UNC13A: variants seen among roughly 807,000 people sequenced by gnomAD.
The protein encoded by UNC13A is protein unc-13 homolog A.
UNC13A carries 61 observed loss-of-function variants against 219.7 expected under a neutral mutation model. The observed-to-expected ratio is 0.28, with a 90% CI of 0.23 to 0.34. UNC13A has a LOEUF of 0.34. Ranked by LOEUF, UNC13A falls within the 10% of genes least tolerant of loss-of-function variation. The probability of loss-of-function intolerance (pLI) is 1.00; values close to 1 mark genes in which losing one functional copy is unlikely to be tolerated. For missense variants in UNC13A, 1,476 were observed against 2,270.3 expected (o/e 0.65, Z 7.11); for synonymous variants, 920 against 884.6 (o/e 1.04, Z -0.71).
chr19:17,661,162 C>G (rs1162702003), intron 8 of UNC13A, among the ~76,000 whole-genome samples: 1 of 147,226 alleles, frequency 6.8e-6, no homozygotes, highest in Non-Finnish European at 1.5e-5. Flanking sequence ...TGATTTCAGA[C>G]TTTGGAGCTC....
intron 8 of UNC13A, among the ~76,000 whole-genome samples, chr19:17,662,776 C>T (rs368643913): frequency 9.2e-5 from 14 of 151,992 alleles, no homozygotes; most frequent in East Asian, 5.8e-4. Context: ...AAAAATTAGC[C>T]GGGCGTGTTG....
At position 17,630,764 on chromosome 19, in the gene UNC13A, C is replaced by T; in HGVS notation, c.3429-14G>A. On this transcript the variant is annotated splice_polypyrimidine_tract_variant and intron_variant, in intron 28 of 43. Coordinates refer to ENST00000519716, the MANE Select transcript of UNC13A (RefSeq NM_001080421.3). ...GGTTCAAACCATCTGGAATGAAGAG[C>T]CGGGGTGGGGCTCTGCCACCTCTTG... 3 of 1,612,214 alleles carry T rather than the reference C, an allele frequency of 1.9e-6. No homozygotes were observed. Among genetic ancestry groups the T allele is most frequent in the Non-Finnish European group, 2.5e-6 (3 of 1,178,936 alleles).
chr19:17,652,493 G>A (rs1403037716), intron 12 of UNC13A, 138 bp downstream of exon 12: 27 of 982,252 alleles, frequency 2.7e-5, no homozygotes, highest in African/African-American at 3.2e-5. Context: ...TGAAAGTGAC[G>A]TATTTTGCCC....
intron 38 of UNC13A, among the ~76,000 whole-genome samples, chr19:17,619,350 C>G (rs2076702482): frequency 7.4e-6 from 1 of 135,782 alleles, no homozygotes; most frequent in Non-Finnish European, 1.7e-5. Flanking sequence ...TGGCTCTGGT[C>G]AAACACTTCC....
chr19:17,617,263 A>G (rs2144948612), intron 41 of UNC13A, among the ~76,000 whole-genome samples: 1 of 152,240 alleles, frequency 6.6e-6, no homozygotes, highest in East Asian at 1.9e-4. Context: ...AGAGCTGTCA[A>G]CGATTCCCTG....
At chr19:17,655,204 C>T (rs2079426527) in intron 11 of UNC13A, 70 bp downstream of exon 11, 6 of 1,334,850 alleles carry the variant, frequency 4.5e-6, no homozygotes, top group Non-Finnish European at 5.2e-6. Context: ...GTGGCCAAAA[C>T]ATGTGTGGGC....
chr19:17,675,491 G>C (rs2079879016), intron 2 of UNC13A, among the ~76,000 whole-genome samples: 1 of 151,568 alleles, frequency 6.6e-6, no homozygotes, highest in South Asian at 2.1e-4. Flanking sequence ...AATTAGCCGG[G>C]CGTGGTAGAG....
rs527574205 is a variant in UNC13A, at chr19:17,679,439, G to T, written c.23-3398C>A. ...AATAATAATAATAATAAAAGAGAGAGGGGGAAAGATTTCCACTAGGGAGGG... is the reference window on the plus strand; with the variant it reads ...AATAATAATAATAATAAAAGAGAGATGGGGAAAGATTTCCACTAGGGAGGG... On this transcript the variant is annotated intron_variant, in intron 1 of 43. Transcript: ENST00000519716. 5.3e-5 allele frequency among the ~76,000 whole-genome samples: 8 copies of T among 151,382 alleles called. No individual in the cohort carries two copies. In the South Asian group the frequency reaches 1.3e-3, roughly 24 times the overall value.
chr19:17,637,072 G>C (rs1198742814), intron 25 of UNC13A, among the ~76,000 whole-genome samples: 1 of 151,662 alleles, frequency 6.6e-6, no homozygotes, highest in Non-Finnish European at 1.5e-5. Context: ...GAACTCCTGG[G>C]CTCAAGTGAT....
chr19:17,637,503 T>C (rs150998117), intron 25 of UNC13A, among the ~76,000 whole-genome samples: 1,644 of 152,006 alleles, frequency 0.011, 36 homozygotes, highest in African/African-American at 0.038. Context: ...TTTCACTGTG[T>C]TAGCCAGGAT....
chr19:17,640,602 G>A lies in UNC13A; in HGVS notation c.2696C>T (p.Thr899Ile). The A allele has an allele frequency of 1.3e-6, 2 of 1,585,832 alleles. No homozygotes were observed. The highest frequency in any genetic ancestry group is 2.3e-5 in the South Asian group (2 of 86,458). The change falls in exon 22 of 44, where the codon ACC becomes ATC. Residue 899 changes from threonine (T) to isoleucine (I), a missense_variant. By Grantham distance (89) the Thr-to-Ile change is moderately conservative. This residue lies in a region of UNC13A where 140 missense variants were observed against 270.9 expected (regional missense o/e 0.52). Transcript: ENST00000519716. ...MCPGVPAVMS[T>I]LLANINAYYA... ...GTAGGCATTGATGTTGGCGAGCAGG[G>A]TGCTCATGACGGCAGGCACCCCTGG...
At chr19:17,630,843 G>A in intron 28 of UNC13A, 93 bp from the exon 29 acceptor site, 2 of 1,141,476 alleles carry the variant, frequency 1.8e-6, no homozygotes, top group Non-Finnish European at 2.5e-6. Flanking sequence ...GTGGAGCTAT[G>A]GCTGCTCCTG....
intron 1 of UNC13A, among the ~76,000 whole-genome samples, chr19:17,686,915 G>A (rs2145943460): frequency 6.6e-6 from 1 of 152,150 alleles, no homozygotes; most frequent in East Asian, 1.9e-4. Flanking sequence ...GCACACGCAC[G>A]CTTCCTGTCG....
intron 38 of UNC13A, 99 bp downstream of exon 38, chr19:17,620,594 C>T (rs978287651): frequency 1.6e-6 from 2 of 1,251,126 alleles, no homozygotes; most frequent in Admixed American, 2.0e-5. Context: ...TCACAGTACG[C>T]CCTCGGACGG....
At chr19:17,683,166 C>T (rs2080050302) in intron 1 of UNC13A, among the ~76,000 whole-genome samples, 1 of 152,156 alleles carries the variant, frequency 6.6e-6, no homozygotes, top group Admixed American at 6.5e-5. Flanking sequence ...TGAGAGAAGG[C>T]TCAAACTTCT....
At chr19:17,653,843 T>C (rs2079398967) in intron 11 of UNC13A, among the ~76,000 whole-genome samples, 1 of 122,244 alleles carries the variant, frequency 8.2e-6, no homozygotes, top group Non-Finnish European at 1.8e-5. Context: ...TTTTTTTTTT[T>C]TGAAATGGAG....
At chr19:17,612,773 G>A (rs1240161700) in intron 41 of UNC13A, among the ~76,000 whole-genome samples, 2 of 152,174 alleles carry the variant, frequency 1.3e-5, no homozygotes, top group African/African-American at 4.8e-5. Flanking sequence ...GAGCTCAGAA[G>A]GGTCCAGGCT....
chr19:17,631,202 C>T (rs1195049590), intron 28 of UNC13A, among the ~76,000 whole-genome samples: 15 of 53,444 alleles, frequency 2.8e-4, no homozygotes, highest in South Asian at 1.9e-3. Context: ...CTCCCTCCCT[C>T]CCTTCCTTCC....
At chr19:17,667,784 T>C (rs1277527145) in intron 6 of UNC13A, among the ~76,000 whole-genome samples, 1 of 149,632 alleles carries the variant, frequency 6.7e-6, no homozygotes, top group Non-Finnish European at 1.5e-5. Context: ...TAATTTTTTT[T>C]TTTTTTTTTT....
Sources: gnomAD v4.1 joint callset for allele counts (sites outside exome capture counted in the v4.1 genomes callset) on GRCh38, gnomAD v4.1.1 for gene constraint, gnomAD v4.1.1 regional missense constraint, MANE v1.5 for transcripts, NCBI Gene and HGNC (gene_info 2026-07-23, HGNC 2026-07-21) for gene names.